TFB1M: variants seen among roughly 807,000 people sequenced by gnomAD.
TFB1M encodes the protein dimethyladenosine transferase 1, mitochondrial.
TFB1M carries 27 observed loss-of-function variants against 31.1 expected under a neutral mutation model. That is an observed-to-expected ratio of 0.87 (90% CI 0.64 to 1.20). TFB1M has a LOEUF of 1.20. TFB1M is among the 50% of genes most tolerant of loss of function. The pLI is 0.00. For missense variants in TFB1M, 394 were observed against 418.7 expected (o/e 0.94, Z 0.51); for synonymous variants, 166 against 151.8 (o/e 1.09, Z -0.69).
Position 155,265,750 on chromosome 6 carries a change from AT to A in TFB1M, c.667-5351del, listed in dbSNP as rs370817037. Among the ~76,000 whole-genome samples, 28 of 146,276 alleles carry A rather than the reference AT, an allele frequency of 1.9e-4. No homozygotes were observed. The East Asian group carries it at 3.3e-3, about 17-fold the overall frequency. On this transcript the variant is annotated intron_variant, in intron 5 of 6. Transcript: ENST00000367166. ...TATAAATATATATTATATATAATATATAATATATATTTAATATATAATATGT... is the reference window on the plus strand; with the variant it reads ...TATAAATATATATTATATATAATATAAATATATATTTAATATATAATATGT...
chr6:155,269,273 C>A (rs1270430454), intron 5 of TFB1M, among the ~76,000 whole-genome samples: 2 of 151,040 alleles, frequency 1.3e-5, no homozygotes, highest in Non-Finnish European at 2.9e-5. Flanking sequence ...CATTTTATGG[C>A]CTTAGTCAAA....
At chr6:155,242,488 GT>G in the TFB1M span, among the ~76,000 whole-genome samples, 3 of 152,190 alleles carry the variant, frequency 2.0e-5, no homozygotes, top group Non-Finnish European at 4.4e-5. Context: ...GGCCAGGGAG[GT>G]TTTTATGGTG....
At chr6:155,248,909 A>G in the TFB1M span, among the ~76,000 whole-genome samples, 1 of 152,372 alleles carries the variant, frequency 6.6e-6, no homozygotes. Context: ...TGAATAATAA[A>G]TACTGAGAAG....
At chr6:155,297,227 G>A in intron 3 of TFB1M, 123 bp from the exon 4 acceptor site, 1 of 1,047,932 alleles carries the variant, frequency 9.5e-7, no homozygotes, top group African/African-American at 1.6e-5. Context: ...AAATAGACAT[G>A]GCTAAATTTT....
rs1415676112 is a variant in TFB1M, at chr6:155,256,134, T to TGAAA, written c.*1698_*1701dup. The TGAAA allele has an allele frequency of 2.4e-6, 1 of 419,674 alleles. No homozygotes were observed. The highest frequency in any genetic ancestry group is 4.7e-5 in the East Asian group (1 of 21,058). The allele number at this position is 419,674 out of a possible 1,614,324, so 26.0% of individuals were successfully genotyped here. A position where few individuals can be genotyped will look rare whatever the true frequency, so the allele number is the denominator to read the frequency against. ...ATGATCAAATTACAAAGCACCTTAGTGAAAGAAAGGAGCCTAGATTTATTA... is the reference window on the plus strand; with the variant it reads ...ATGATCAAATTACAAAGCACCTTAGTGAAAGAAAGAAAGGAGCCTAGATTTATTA... On this transcript the variant is annotated 3_prime_UTR_variant, in exon 7 of 7. Coordinates refer to ENST00000367166, the MANE Select transcript of TFB1M (RefSeq NM_016020.4).
At chr6:155,277,423 AC>A (rs1212343361) in intron 5 of TFB1M, among the ~76,000 whole-genome samples, 3 of 152,224 alleles carry the variant, frequency 2.0e-5, no homozygotes, top group African/African-American at 7.2e-5. Context: ...AACACTGCCC[AC>A]TATTGTTTCT....
chr6:155,281,782 C>T (rs933186510), intron 5 of TFB1M, among the ~76,000 whole-genome samples: 3 of 143,892 alleles, frequency 2.1e-5, no homozygotes, highest in African/African-American at 5.1e-5. Context: ...CCACTCTTTA[C>T]GAACTATGTT....
chr6:155,238,934 T>G, the TFB1M span, among the ~76,000 whole-genome samples: 8 of 152,192 alleles, frequency 5.3e-5, no homozygotes, highest in African/African-American at 1.9e-4. Flanking sequence ...ATTGTATATT[T>G]CCATCATATG....
At chr6:155,303,286 T>G (rs1484748829) in intron 2 of TFB1M, 1 of 152,238 alleles carries the variant, frequency 6.6e-6, no homozygotes, top group Non-Finnish European at 1.5e-5. Flanking sequence ...CTTTTCTTGA[T>G]GACCTAGGGT....
the TFB1M span, chr6:155,240,776 G>A: frequency 6.6e-7 from 1 of 1,524,572 alleles, no homozygotes; most frequent in Non-Finnish European, 8.8e-7. Flanking sequence ...TGCTGGCAGA[G>A]GTCCCCAGAT....
intron 5 of TFB1M, chr6:155,275,738 C>T (rs1395013710): frequency 6.2e-7 from 1 of 1,613,582 alleles, no homozygotes; most frequent in African/African-American, 1.3e-5. Flanking sequence ...AGCAGGACTC[C>T]AGCTCCTTGC....
At chr6:155,250,622 C>G in the TFB1M span, 1 of 1,535,892 alleles carries the variant, frequency 6.5e-7, no homozygotes, top group Non-Finnish European at 8.7e-7. Context: ...ACCACGGACA[C>G]TGGTAGAGTT....
At position 155,311,355 on chromosome 6, in the gene TFB1M, T is replaced by A. The variant is rs1778011264; in HGVS notation, c.134-16A>T. 5 of 1,610,884 alleles carry A rather than the reference T, an allele frequency of 3.1e-6. No homozygotes were observed. Among genetic ancestry groups the A allele is most frequent in the African/African-American group, 1.3e-5 (1 of 74,828 alleles). Reference sequence around the variant, plus strand: ...ACAATCTTATCTAGAGGAAAAAGAGTTTTAGTTATCTCAATTAACTTGGCA... The same window carrying A: ...ACAATCTTATCTAGAGGAAAAAGAGATTTAGTTATCTCAATTAACTTGGCA... On this transcript the variant is annotated splice_polypyrimidine_tract_variant and intron_variant, in intron 1 of 6. Coordinates refer to ENST00000367166, the MANE Select transcript of TFB1M (RefSeq NM_016020.4).
At chr6:155,300,135 G>A (rs906574135) in intron 2 of TFB1M, among the ~76,000 whole-genome samples, 3 of 152,080 alleles carry the variant, frequency 2.0e-5, no homozygotes, top group Non-Finnish European at 4.4e-5. Flanking sequence ...AAATTTGTAG[G>A]GTCTAGAAAC....
chr6:155,273,478 C>A (rs1336500050), intron 5 of TFB1M, among the ~76,000 whole-genome samples: 2 of 152,124 alleles, frequency 1.3e-5, no homozygotes, highest in Non-Finnish European at 2.9e-5. Context: ...AATATTTAAC[C>A]AAAGCCAGGC....
the TFB1M span, among the ~76,000 whole-genome samples, chr6:155,234,220 T>C: frequency 6.6e-6 from 1 of 152,174 alleles, no homozygotes; most frequent in Non-Finnish European, 1.5e-5. Context: ...CCCGTGTTTT[T>C]TATTCTGCAT....
At chr6:155,254,148 T>C, downstream of TFB1M, 1 of 1,391,132 alleles carries the variant, frequency 7.2e-7, no homozygotes, top group South Asian at 1.3e-5. Context: ...CCCTCCTGAA[T>C]TTTGATGATA....
At chr6:155,262,598 A>G (rs561107220) in intron 5 of TFB1M, among the ~76,000 whole-genome samples, 50 of 152,340 alleles carry the variant, frequency 3.3e-4, no homozygotes, top group Non-Finnish European at 4.4e-4. Context: ...AAATACTCTT[A>G]GCAAAATCTG....
rs191699953 is a variant in TFB1M at position 155,309,651 on chromosome 6, G to A, written c.285+1537C>T. Among the ~76,000 whole-genome samples the A allele has an allele frequency of 4.6e-5, 7 of 152,290 alleles. No homozygotes were observed. The East Asian group carries it at 1.4e-3, about 29-fold the overall frequency. On this transcript the variant is annotated intron_variant, in intron 2 of 6. Transcript: ENST00000367166. ...AAACCCAACGAATGGTGAGATATGAGGGACAAGAAGTCTTTTTAAGAGCAA... is the reference window on the plus strand; with the variant it reads ...AAACCCAACGAATGGTGAGATATGAAGGACAAGAAGTCTTTTTAAGAGCAA...
Sources: allele counts gnomAD v4.1 joint callset (sites outside exome capture counted in the v4.1 genomes callset), GRCh38; gene constraint gnomAD v4.1.1; transcripts MANE v1.5; gene names NCBI Gene and HGNC (gene_info 2026-07-23, HGNC 2026-07-21).